Variants in IREB2 observed in about 807,000 individuals in gnomAD.
The protein encoded by IREB2 is iron responsive element binding protein 2, also known as iron-responsive element-binding protein 2.
Under a neutral mutation model 118.8 loss-of-function variants are expected in IREB2, and 39 were observed. That is an observed-to-expected ratio of 0.33 (90% confidence interval 0.25 to 0.43). IREB2 has a LOEUF of 0.43. Ranked by LOEUF, IREB2 falls within the 20% of genes least tolerant of loss-of-function variation. The pLI, the probability that IREB2 is intolerant of heterozygous loss-of-function variation, is 1.00. For synonymous variants in IREB2, 372 were observed against 392.2 expected, an observed-to-expected ratio of 0.95 and a Z score of 0.61; for missense variants, 900 against 1,147.3, an observed-to-expected ratio of 0.78 and a Z score of 3.11.
At position 78,498,030 on chromosome 15, in the gene IREB2, A is replaced by C; in HGVS notation, c.2782-3A>C. ...CACATGAGATGTTTTTGCTCCTTTCAAGACAAGCACTGGAAAAGTATTCAG... is the reference window on the plus strand; with the variant it reads ...CACATGAGATGTTTTTGCTCCTTTCCAGACAAGCACTGGAAAAGTATTCAG... On this transcript the variant is annotated splice_polypyrimidine_tract_variant and splice_region_variant and intron_variant, in intron 21 of 21. Coordinates refer to ENST00000258886, the MANE Select transcript of IREB2 (RefSeq NM_004136.4). 6.3e-7 allele frequency: 1 copy of C among 1,594,706 alleles called. No homozygotes were observed. Among genetic ancestry groups the C allele is most frequent in the Non-Finnish European group, 8.6e-7 (1 of 1,162,650 alleles).
At chr15:78,480,981 C>T (rs1299459329) in intron 10 of IREB2, among the ~76,000 whole-genome samples, 1 of 151,714 alleles carries the variant, frequency 6.6e-6, no homozygotes, top group Non-Finnish European at 1.5e-5. Context: ...TGTATTCCAG[C>T]CTGGGCAACA....
intron 8 of IREB2, chr15:78,473,674 A>G (rs1316517118): frequency 7.2e-6 from 2 of 278,878 alleles, no homozygotes; most frequent in Non-Finnish European, 1.4e-5. Context: ...ACTAAGGTAC[A>G]GTAGGGTTTA....
intron 10 of IREB2, among the ~76,000 whole-genome samples, chr15:78,482,178 C>A (rs937417258): frequency 6.6e-6 from 1 of 152,074 alleles, no homozygotes; most frequent in Non-Finnish European, 1.5e-5. Context: ...TGCATTTAGT[C>A]CTGACTGTGC....
intron 2 of IREB2, among the ~76,000 whole-genome samples, chr15:78,442,846 T>C (rs1477032594): frequency 6.6e-6 from 1 of 152,230 alleles, no homozygotes; most frequent in African/African-American, 2.4e-5. Flanking sequence ...GTCATGGGAA[T>C]TTGTACATAA....
At chr15:78,484,000 G>A (rs1252063268) in intron 11 of IREB2, among the ~76,000 whole-genome samples, 1 of 151,938 alleles carries the variant, frequency 6.6e-6, no homozygotes, top group Non-Finnish European at 1.5e-5. Flanking sequence ...GGCCAGACTG[G>A]TCTTCAACTC....
At chr15:78,476,561 A>G in intron 9 of IREB2, 1 of 385,430 alleles carries the variant, frequency 2.6e-6, no homozygotes, top group Non-Finnish European at 4.7e-6. Flanking sequence ...CATTGAAAGC[A>G]ATTTAAAGGA....
chr15:78,476,903 T>C (rs548189040), intron 9 of IREB2, among the ~76,000 whole-genome samples: 2 of 152,328 alleles, frequency 1.3e-5, no homozygotes, highest in East Asian at 3.9e-4. Context: ...CAAAACAAGA[T>C]ATGTTGATAT....
chr15:78,486,564 C>T (rs566221958), intron 13 of IREB2, among the ~76,000 whole-genome samples: 4 of 152,012 alleles, frequency 2.6e-5, no homozygotes, highest in Non-Finnish European at 5.9e-5. Context: ...CAGATCGTGC[C>T]GCTGCACTCC....
chr15:78,490,597 G>T (rs2051734388), intron 17 of IREB2, 22 bp from the exon 18 acceptor site: 1 of 1,613,092 alleles, frequency 6.2e-7, no homozygotes, highest in African/African-American at 1.3e-5. Flanking sequence ...AGAGTTAAAT[G>T]CCTTGAACTT....
At chr15:78,487,605 G>A in intron 13 of IREB2, 128 bp from the exon 14 acceptor site, 2 of 593,682 alleles carry the variant, frequency 3.4e-6, no homozygotes, top group South Asian at 4.4e-5. Context: ...ATTGATGAAG[G>A]TTAATCCATG....
intron 4 of IREB2, 70 bp from the exon 5 acceptor site, chr15:78,466,201 G>T: frequency 4.0e-6 from 4 of 992,624 alleles, no homozygotes; most frequent in Non-Finnish European, 6.0e-6. Context: ...GCTAATGTGC[G>T]TTTTTTTTTA....
intron 2 of IREB2, among the ~76,000 whole-genome samples, chr15:78,441,305 T>TA (rs1237055633): frequency 6.6e-6 from 1 of 152,274 alleles, no homozygotes. Flanking sequence ...TTTGTGTTGA[T>TA]ACGTTTGTTA....
intron 10 of IREB2, chr15:78,479,938 C>A (rs1417823608): frequency 1.4e-5 from 2 of 144,324 alleles, no homozygotes; most frequent in Admixed American, 1.4e-4. Flanking sequence ...AAAAAAAAAT[C>A]TGTTGGAAAT....
intron 5 of IREB2, among the ~76,000 whole-genome samples, 158 bp from the exon 6 acceptor site, chr15:78,470,374 A>C (rs1245357888): frequency 6.6e-6 from 1 of 152,236 alleles, no homozygotes; most frequent in African/African-American, 2.4e-5. Context: ...AACTTTGTTG[A>C]AAAAGAAAAT....
At chr15:78,482,953 A>G (rs187237579) in intron 10 of IREB2, among the ~76,000 whole-genome samples, 6 of 152,140 alleles carry the variant, frequency 3.9e-5, no homozygotes, top group Admixed American at 3.9e-4. Context: ...GTTAGCCATG[A>G]TGGTCTTGAT....
At chr15:78,440,370 C>CTT (rs35095780) in intron 2 of IREB2, among the ~76,000 whole-genome samples, 29 of 143,890 alleles carry the variant, frequency 2.0e-4, no homozygotes, top group East Asian at 9.9e-4. Context: ...CTTTTCTTTT[C>CTT]TTTTTTTTTT....
rs1015734816 is a variant in IREB2 at position 78,443,136 on chromosome 15, C to T, written c.106+3255C>T. 1.3e-4 allele frequency among the ~76,000 whole-genome samples: 19 copies of T among 151,868 alleles called. 1 individual carries two copies. The highest frequency in any genetic ancestry group is 1.2e-3 in the Admixed American group (19 of 15,248). On this transcript the variant is annotated intron_variant, in intron 2 of 21. Transcript: ENST00000258886. ...CTATACATACATAGCTATGATAAAA[C>T]TTAATTTATAAATGAGGCACAGTAG...
chr15:78,494,773 A>G (rs913415874), intron 20 of IREB2, among the ~76,000 whole-genome samples: 6 of 151,934 alleles, frequency 3.9e-5, no homozygotes, highest in Admixed American at 1.3e-4. Context: ...GGATCTCTCT[A>G]TTTTGCTCAG....
At position 78,493,889 on chromosome 15, in the gene IREB2, C is replaced by T; in HGVS notation, c.2325-20C>T. ...ATTTTCCACATGTAATGAAAACTGA[C>T]TTTCATTACTTTCTTGTAGCCTTAC... On this transcript the variant is annotated intron_variant, in intron 18 of 21. Transcript: ENST00000258886. 1 of 1,598,636 alleles carries T rather than the reference C, an allele frequency of 6.3e-7. No homozygotes were observed. Among genetic ancestry groups the T allele is most frequent in the Non-Finnish European group, 8.5e-7 (1 of 1,172,574 alleles).
Sources: gnomAD v4.1 joint callset for allele counts (sites outside exome capture counted in the v4.1 genomes callset) on GRCh38, gnomAD v4.1.1 for gene constraint, MANE v1.5 for transcripts, NCBI Gene and HGNC (gene_info 2026-07-23, HGNC 2026-07-21) for gene names.